The following PPFIBP1 variants were observed in gnomAD, a reference collection of about 807,000 sequenced individuals.
The protein encoded by PPFIBP1 is liprin-beta-1.
PPFIBP1 carries 112 observed loss-of-function variants against 137.8 expected under a neutral mutation model. The ratio of observed to expected loss-of-function variants is 0.81; its 90% CI spans 0.70 to 0.95. PPFIBP1 has a LOEUF of 0.95. Ranked by LOEUF, PPFIBP1 falls within the 40% of genes least tolerant of loss-of-function variation. PPFIBP1 has a pLI of 0.00. For synonymous variants in PPFIBP1, 378 were observed against 417.3 expected (o/e 0.91, Z 1.15); for missense variants, 1,083 against 1,196.6 (o/e 0.91, Z 1.40).
At chr12:27,531,883 G>A (rs1944466153) in intron 1 of PPFIBP1, among the ~76,000 whole-genome samples, 1 of 152,110 alleles carries the variant, frequency 6.6e-6, no homozygotes, top group African/African-American at 2.4e-5. Flanking sequence ...TTATAAGGAT[G>A]TCCTTATAAA....
chr12:27,683,756 CTTTA>C (rs982367272), intron 24 of PPFIBP1, among the ~76,000 whole-genome samples: 36 of 151,508 alleles, frequency 2.4e-4, no homozygotes, highest in African/African-American at 8.0e-4. Flanking sequence ...TTAAAATTCT[CTTTA>C]TTTATTTATT....
At chr12:27,629,320 G>T (rs1278150747) in intron 2 of PPFIBP1, among the ~76,000 whole-genome samples, 1 of 152,196 alleles carries the variant, frequency 6.6e-6, no homozygotes, top group Admixed American at 6.5e-5. Context: ...CCATTGCATA[G>T]TTTGATGAGT....
intron 1 of PPFIBP1, among the ~76,000 whole-genome samples, chr12:27,556,932 A>C (rs2048746239): frequency 7.1e-6 from 1 of 140,584 alleles, no homozygotes; most frequent in Non-Finnish European, 1.5e-5. Context: ...GCTTCCTAAA[A>C]TCTCAATAAA....
intron 2 of PPFIBP1, among the ~76,000 whole-genome samples, chr12:27,587,203 C>T (rs1272956366): frequency 3.9e-5 from 6 of 152,008 alleles, no homozygotes; most frequent in African/African-American, 1.5e-4. Flanking sequence ...AAGGCAGGTG[C>T]GAGAATGAAT....
rs139322785 is a variant in PPFIBP1 at position 27,596,925 on chromosome 12, C to G, written c.-36+18686C>G. 8.4e-3 allele frequency among the ~76,000 whole-genome samples: 1,279 copies of G among 152,256 alleles called. 22 individuals carry two copies. Among genetic ancestry groups the G allele is most frequent in the African/African-American group, 0.03 (1,227 of 41,532 alleles). On this transcript the variant is annotated intron_variant, in intron 2 of 29. Transcript: ENST00000228425. ...AAACATAGGTAGTCTGGCTTCAGAG[C>G]CCATATCCTAACCTCTACACACTCT...
Position 27,527,275 on chromosome 12 carries a change from G to C in PPFIBP1, c.-124+2910G>C, listed in dbSNP as rs555338194. ...TTTTTCTTTTTTTTTTTGAGACAGG[G>C]TCTCGCTCTGCCGCCCTGGATGGAG... On this transcript the variant is annotated intron_variant, in intron 1 of 29. Transcript: ENST00000228425. 1.6e-4 allele frequency among the ~76,000 whole-genome samples: 24 copies of C among 151,658 alleles called. 1 individual carries two copies. The highest frequency in any genetic ancestry group is 5.3e-4 in the African/African-American group (22 of 41,346).
At chr12:27,603,261 T>A (rs2054183437) in intron 2 of PPFIBP1, among the ~76,000 whole-genome samples, 1 of 152,196 alleles carries the variant, frequency 6.6e-6, no homozygotes, top group Non-Finnish European at 1.5e-5. Context: ...TAACCTGGCT[T>A]TGCTGCATCT....
intron 12 of PPFIBP1, among the ~76,000 whole-genome samples, chr12:27,665,586 T>G (rs906423062): frequency 6.6e-6 from 1 of 152,224 alleles, no homozygotes; most frequent in African/African-American, 2.4e-5. Context: ...TATTATTTTA[T>G]CTGCAGATGG....
intron 1 of PPFIBP1, among the ~76,000 whole-genome samples, chr12:27,550,847 A>G (rs576431795): frequency 2.6e-5 from 4 of 152,204 alleles, no homozygotes; most frequent in African/African-American, 9.6e-5. Flanking sequence ...ACAAACACAA[A>G]TAAGAGGACA....
At chr12:27,688,236 G>A in intron 25 of PPFIBP1, 62 bp from the exon 26 acceptor site, 1 of 1,572,738 alleles carries the variant, frequency 6.4e-7, no homozygotes. Flanking sequence ...ACTCCATGGA[G>A]CAGACTTTTT....
chr12:27,646,097 T>C lies in PPFIBP1; in HGVS notation c.306T>C (p.Tyr102=), dbSNP rs1324025848. 7 of 1,612,144 alleles carry C rather than the reference T, an allele frequency of 4.3e-6. No homozygotes were observed. Among genetic ancestry groups the C allele is most frequent in the South Asian group, 2.2e-5 (2 of 91,016 alleles). ...ACCTACCAGGGAACGGAGATGTGTA[T>C]CAAGAAAGGCTGGCACGTTTAGAAA... The part of the protein sequence containing the change: ...NGHLPGNGDV[Y]QERLARLEND... Residue 102 remains tyrosine (Y), a synonymous_variant, in exon 5 of 30, where the codon TAT becomes TAC. Coordinates refer to ENST00000228425, the MANE Select transcript of PPFIBP1 (RefSeq NM_003622.4).
At chr12:27,690,778 T>C (rs753109242) in intron 27 of PPFIBP1, among the ~76,000 whole-genome samples, 23 of 152,206 alleles carry the variant, frequency 1.5e-4, no homozygotes, top group Non-Finnish European at 2.6e-4. Flanking sequence ...CTCTGGCTTA[T>C]GATTGACCAG....
chr12:27,660,448 C>A (rs574427499), intron 10 of PPFIBP1, among the ~76,000 whole-genome samples: 3 of 152,176 alleles, frequency 2.0e-5, no homozygotes, highest in Non-Finnish European at 4.4e-5. Context: ...AGGCACTTAC[C>A]GTTCATTCAT....
At chr12:27,592,780 G>A in intron 2 of PPFIBP1, 4 of 757,046 alleles carry the variant, frequency 5.3e-6, no homozygotes, top group Non-Finnish European at 9.1e-6. Flanking sequence ...TGTTAGGTAG[G>A]CGTAACCATG....
intron 2 of PPFIBP1, among the ~76,000 whole-genome samples, chr12:27,601,079 A>C (rs1025409478): frequency 2.6e-5 from 4 of 152,194 alleles, no homozygotes; most frequent in African/African-American, 9.7e-5. Flanking sequence ...CTCTTGTCTA[A>C]CTAAAACTTT....
chr12:27,646,099 A>G lies in PPFIBP1; in HGVS notation c.308A>G (p.Gln103Arg). Residue 103 changes from glutamine to arginine, a missense_variant, in exon 5 of 30, where the codon CAA becomes CGA. Transcript: ENST00000228425. ...CTACCAGGGAACGGAGATGTGTATC[A>G]AGAAAGGCTGGCACGTTTAGAAAAT... The part of the protein sequence containing the change: ...GHLPGNGDVY[Q>R]ERLARLENDK... 6.2e-7 allele frequency: 1 copy of G among 1,612,278 alleles called. No individual in the cohort carries two copies. The highest frequency in any genetic ancestry group is 8.5e-7 in the Non-Finnish European group (1 of 1,178,764).
intron 2 of PPFIBP1, among the ~76,000 whole-genome samples, chr12:27,598,373 A>T (rs1478246566): frequency 6.6e-6 from 1 of 152,072 alleles, no homozygotes; most frequent in Non-Finnish European, 1.5e-5. Flanking sequence ...ATCAGATCTC[A>T]TGAGACTTAT....
chr12:27,544,131 C>T (rs1203234762), intron 1 of PPFIBP1, among the ~76,000 whole-genome samples: 2 of 152,146 alleles, frequency 1.3e-5, no homozygotes, highest in African/African-American at 4.8e-5. Context: ...ATCCTTCTGT[C>T]TCAGCCTCCC....
chr12:27,543,880 C>CCCCTTTT (rs1565736990), intron 1 of PPFIBP1, among the ~76,000 whole-genome samples: 3 of 105,794 alleles, frequency 2.8e-5, no homozygotes, highest in African/African-American at 3.6e-5. Context: ...CCCGCCCCTG[C>CCCCTTTT]TTTTTTTTTT....
Sources: gnomAD v4.1 joint callset for allele counts (sites outside exome capture counted in the v4.1 genomes callset) on GRCh38, gnomAD v4.1.1 for gene constraint, MANE v1.5 for transcripts, NCBI Gene and HGNC (gene_info 2026-07-23, HGNC 2026-07-21) for gene names.